ZZEF1: variants seen among roughly 807,000 people sequenced by gnomAD.
The protein encoded by ZZEF1 is zinc finger ZZ-type and EF-hand domain-containing protein 1.
In ZZEF1, 157 loss-of-function variants were observed where a neutral mutation model predicts 342.8. That is an observed-to-expected ratio of 0.46 (90% CI 0.40 to 0.52). The LOEUF is 0.52. Ranked by LOEUF, ZZEF1 falls within the 20% of genes least tolerant of loss-of-function variation. The pLI is 0.00. For missense variants in ZZEF1, 3,480 were observed against 3,725.6 expected, an observed-to-expected ratio of 0.93 and a Z score of 1.72; for synonymous variants, 1,505 against 1,429.1, an observed-to-expected ratio of 1.05 and a Z score of -1.20.
chr17:4,009,321 T>C (rs559227386), intron 53 of ZZEF1: 1 of 573,792 alleles, frequency 1.7e-6, no homozygotes, highest in South Asian at 2.1e-5. Context: ...AAATAACCCA[T>C]CGTTTTATTT....
At chr17:4,142,518 C>G in intron 1 of ZZEF1, 24 bp downstream of exon 1, 2 of 1,587,024 alleles carry the variant, frequency 1.3e-6, no homozygotes, top group Non-Finnish European at 1.7e-6. Flanking sequence ...TGCCCCATCC[C>G]CGCAGTCGCC....
At chr17:4,033,939 A>T (rs2056604371) in intron 40 of ZZEF1, 76 bp downstream of exon 40, 2 of 1,561,474 alleles carry the variant, frequency 1.3e-6, no homozygotes, top group African/African-American at 2.7e-5. Context: ...ATCAACAGCC[A>T]GACCTTCAAC....
rs1567753012 is a variant in ZZEF1 at position 4,006,609 on chromosome 17, C to T, written c.*281G>A. The T allele has an allele frequency of 3.7e-5, 17 of 464,454 alleles. No individual in the cohort carries two copies. The highest frequency in any genetic ancestry group is 3.5e-5 in the Non-Finnish European group (9 of 253,986). 28.8% of individuals were successfully genotyped at this position (464,454 alleles called of 1,614,324 possible). ...CCCACGGCTCCTGCAGTGACAGCCT[C>T]TGGAGAAGGCTGGTCTCTGAACCTT... On this transcript the variant is annotated 3_prime_UTR_variant, in exon 55 of 55. Transcript: ENST00000381638.
At chr17:4,124,678 A>G (rs8068543) in intron 1 of ZZEF1, among the ~76,000 whole-genome samples, 23,568 of 149,600 alleles carry the variant, frequency 0.16, 2,039 homozygotes, top group African/African-American at 0.23. Context: ...GGCTGGTCTC[A>G]AACTCCTGAC....
chr17:4,098,036 G>A (rs541758104), intron 9 of ZZEF1, among the ~76,000 whole-genome samples: 24 of 151,780 alleles, frequency 1.6e-4, no homozygotes, highest in African/African-American at 5.6e-4. Context: ...TCAGGAGTTC[G>A]AGACGAGCCT....
chr17:4,079,944 T>A (rs1283183524), intron 18 of ZZEF1, among the ~76,000 whole-genome samples: 1 of 152,212 alleles, frequency 6.6e-6, no homozygotes, highest in East Asian at 1.9e-4. Context: ...ATTAGATACC[T>A]CAAAGATGTG....
chr17:4,061,513 C>A (rs368178678), intron 30 of ZZEF1, among the ~76,000 whole-genome samples: 1 of 152,102 alleles, frequency 6.6e-6, no homozygotes, highest in Non-Finnish European at 1.5e-5. Flanking sequence ...GACTTCTTTC[C>A]GTAACTTTAG....
chr17:4,140,910 CTTTT>C (rs34876417), intron 1 of ZZEF1, among the ~76,000 whole-genome samples: 5 of 141,644 alleles, frequency 3.5e-5, no homozygotes, highest in Non-Finnish European at 6.1e-5. Context: ...ACTAATATGA[CTTTT>C]TTTTTTTTTT....
At chr17:4,026,927 C>T (rs2056419743) in intron 42 of ZZEF1, among the ~76,000 whole-genome samples, 2 of 152,060 alleles carry the variant, frequency 1.3e-5, no homozygotes, top group Non-Finnish European at 1.5e-5. Context: ...AAAAAGTCCC[C>T]CAGACAAACT....
intron 37 of ZZEF1, among the ~76,000 whole-genome samples, chr17:4,047,235 C>T (rs2056936700): frequency 6.6e-6 from 1 of 152,198 alleles, no homozygotes; most frequent in South Asian, 2.1e-4. Flanking sequence ...CCTGAAACAT[C>T]TTTCTCTATC....
At chr17:4,101,253 C>T (rs995497697) in intron 9 of ZZEF1, among the ~76,000 whole-genome samples, 2 of 151,932 alleles carry the variant, frequency 1.3e-5, no homozygotes, top group Non-Finnish European at 2.9e-5. Context: ...ATACAGGAAA[C>T]GGGACAGAGA....
At chr17:4,132,149 G>A (rs2058670416) in intron 1 of ZZEF1, among the ~76,000 whole-genome samples, 1 of 151,942 alleles carries the variant, frequency 6.6e-6, no homozygotes, top group Non-Finnish European at 1.5e-5. Context: ...AGTCCTGTCG[G>A]CTATATACCG....
intron 9 of ZZEF1, 67 bp downstream of exon 9, chr17:4,102,250 A>C (rs956300018): frequency 1.5e-5 from 21 of 1,382,098 alleles, no homozygotes; most frequent in Non-Finnish European, 1.9e-5. Context: ...CAAAGTCTGG[A>C]GTGTGCTTTC....
chr17:4,074,462 C>T, intron 23 of ZZEF1, 111 bp from the exon 24 acceptor site: 1 of 1,124,818 alleles, frequency 8.9e-7, no homozygotes, highest in Non-Finnish European at 1.3e-6. Context: ...ATCTCTATTT[C>T]CACATGTCCA....
intron 3 of ZZEF1, among the ~76,000 whole-genome samples, chr17:4,116,152 C>T (rs1220032422): frequency 6.6e-6 from 1 of 152,152 alleles, no homozygotes; most frequent in Non-Finnish European, 1.5e-5. Context: ...AAACCTGTCT[C>T]TACTAAAAAT....
At chr17:4,051,743 A>G (rs1207528870) in intron 35 of ZZEF1, among the ~76,000 whole-genome samples, 3 of 145,616 alleles carry the variant, frequency 2.1e-5, no homozygotes, top group Non-Finnish European at 4.5e-5. Flanking sequence ...ATACTTTAAC[A>G]CAGGAAAAAA....
chr17:4,102,425 G>A lies in ZZEF1; in HGVS notation c.1574-10C>T. Reference sequence around the variant, plus strand: ...AACTGGAGAGGTTTACCTGACCAAAGAAAAGGAAGACCAAGCTGTAAGCTA... The same window carrying A: ...AACTGGAGAGGTTTACCTGACCAAAAAAAAGGAAGACCAAGCTGTAAGCTA... On this transcript the variant is annotated splice_polypyrimidine_tract_variant and intron_variant, in intron 8 of 54. Coordinates refer to ENST00000381638, the MANE Select transcript of ZZEF1 (RefSeq NM_015113.4). The A allele has an allele frequency of 6.2e-7, 1 of 1,610,876 alleles. No homozygotes were observed. The highest frequency in any genetic ancestry group is 1.1e-5 in the South Asian group (1 of 90,922).
rs375671140 is a variant in ZZEF1, at chr17:4,014,646, G to C, written c.8146-131C>G. The C allele has an allele frequency of 1.5e-5, 14 of 931,338 alleles. No individual in the cohort carries two copies. The highest frequency in any genetic ancestry group is 9.6e-5 in the East Asian group (4 of 41,488). The allele number at this position is 931,338 out of a possible 1,614,324, so 57.7% of individuals were successfully genotyped here. On this transcript the variant is annotated intron_variant, in intron 49 of 54. Transcript: ENST00000381638. The surrounding 1 kb of genome is among the most constrained non-coding windows in gnomAD (Gnocchi z 4.4). ...AGTGAACCACAGCCCTGGCCTCCAGGAGTGCAGAGTCCAGCTAGGGCGAGG... is the reference window on the plus strand; with the variant it reads ...AGTGAACCACAGCCCTGGCCTCCAGCAGTGCAGAGTCCAGCTAGGGCGAGG...
intron 1 of ZZEF1, among the ~76,000 whole-genome samples, chr17:4,126,796 T>C (rs1388885864): frequency 6.6e-6 from 1 of 152,090 alleles, no homozygotes; most frequent in East Asian, 1.9e-4. Flanking sequence ...CAAAACTCCG[T>C]ATCTACTAAA....
Sources: gnomAD v4.1 joint callset for allele counts (sites outside exome capture counted in the v4.1 genomes callset) on GRCh38, gnomAD v4.1.1 for gene constraint, Gnocchi (gnomAD v3.1) non-coding constraint, MANE v1.5 for transcripts, NCBI Gene and HGNC (gene_info 2026-07-23, HGNC 2026-07-21) for gene names.